FAF1: variants seen among roughly 807,000 people sequenced by gnomAD.
The protein encoded by FAF1 is Fas associated factor 1, also known as FAS-associated factor 1.
FAF1 carries 25 observed loss-of-function variants against 92.5 expected under a neutral mutation model. That is an observed-to-expected ratio of 0.27 (90% confidence interval 0.20 to 0.38). The LOEUF is 0.38. FAF1 is among the 10% of genes least tolerant of loss of function. FAF1 has a pLI of 1.00. For missense variants in FAF1, 636 were observed against 793.3 expected (o/e 0.80, Z 2.38); for synonymous variants, 234 against 273.2 (o/e 0.86, Z 1.42).
intron 2 of FAF1, among the ~76,000 whole-genome samples, chr1:50,821,470 C>T (rs1367472073): frequency 6.6e-6 from 1 of 152,116 alleles, no homozygotes; most frequent in Admixed American, 6.5e-5. Context: ...TTCCCATGGG[C>T]CCTTTATTAT....
At chr1:50,591,290 CTT>C (rs1382439426) in intron 9 of FAF1, among the ~76,000 whole-genome samples, 1 of 152,154 alleles carries the variant, frequency 6.6e-6, no homozygotes, top group Non-Finnish European at 1.5e-5. Context: ...TGTCTTCTGT[CTT>C]GTTTCTTTTA....
At chr1:50,824,893 A>C (rs1235413603) in intron 2 of FAF1, among the ~76,000 whole-genome samples, 1 of 152,144 alleles carries the variant, frequency 6.6e-6, no homozygotes, top group Non-Finnish European at 1.5e-5. Context: ...GAGCTAAAAA[A>C]AATTTTATCT....
At chr1:50,741,589 T>C (rs1023025393) in intron 5 of FAF1, among the ~76,000 whole-genome samples, 1 of 152,226 alleles carries the variant, frequency 6.6e-6, no homozygotes, top group African/African-American at 2.4e-5. Flanking sequence ...GAAGTTACCA[T>C]ATTGCTCCAG....
intron 4 of FAF1, among the ~76,000 whole-genome samples, chr1:50,768,270 A>G (rs1195809235): frequency 6.6e-6 from 1 of 152,216 alleles, no homozygotes; most frequent in East Asian, 1.9e-4. Flanking sequence ...TATGCACCAA[A>G]CATAAAAGCA....
At chr1:50,870,631 T>A (rs913933193) in intron 1 of FAF1, among the ~76,000 whole-genome samples, 1 of 152,220 alleles carries the variant, frequency 6.6e-6, no homozygotes, top group East Asian at 1.9e-4. Context: ...TGGTAATCTA[T>A]GATCTTTGAT....
At chr1:50,669,528 GA>G (rs1408255622) in intron 7 of FAF1, among the ~76,000 whole-genome samples, 3 of 151,782 alleles carry the variant, frequency 2.0e-5, no homozygotes, top group Non-Finnish European at 4.4e-5. Context: ...AACAACAAAG[GA>G]AAAAAATGTT....
chr1:50,713,040 T>C (rs1247673387), intron 6 of FAF1, among the ~76,000 whole-genome samples: 1 of 150,260 alleles, frequency 6.7e-6, no homozygotes, highest in Non-Finnish European at 1.5e-5. Context: ...CACGCGCCTG[T>C]AGTCCCAGCT....
intron 5 of FAF1, among the ~76,000 whole-genome samples, chr1:50,740,868 T>C (rs1220245513): frequency 6.6e-6 from 1 of 152,138 alleles, no homozygotes; most frequent in Non-Finnish European, 1.5e-5. Flanking sequence ...ATTTTTCTCT[T>C]TTTATCTTTC....
At chr1:50,653,185 AC>A (rs940293949) in intron 8 of FAF1, among the ~76,000 whole-genome samples, 1 of 151,886 alleles carries the variant, frequency 6.6e-6, no homozygotes, top group African/African-American at 2.4e-5. Flanking sequence ...CAAAAAAAAA[AC>A]CACAAGAAAA....
chr1:50,596,741 C>T (rs908395256), intron 8 of FAF1, among the ~76,000 whole-genome samples: 2 of 152,132 alleles, frequency 1.3e-5, no homozygotes, highest in South Asian at 4.1e-4. Context: ...TCCTCAAATA[C>T]TTCATTTTCA....
chr1:50,703,758 T>A (rs1198352347), intron 7 of FAF1, among the ~76,000 whole-genome samples: 5 of 152,166 alleles, frequency 3.3e-5, no homozygotes, highest in Non-Finnish European at 5.9e-5. Flanking sequence ...TATTTGATAA[T>A]CTACATAGCA....
intron 8 of FAF1, among the ~76,000 whole-genome samples, chr1:50,629,875 A>T (rs1156338836): frequency 6.6e-6 from 1 of 152,144 alleles, no homozygotes; most frequent in Non-Finnish European, 1.5e-5. Flanking sequence ...CCTGACCAAC[A>T]TGGAGAAACC....
chr1:50,709,006 G>T (rs1233964391), intron 6 of FAF1, among the ~76,000 whole-genome samples: 1 of 152,196 alleles, frequency 6.6e-6, no homozygotes, highest in Admixed American at 6.5e-5. Flanking sequence ...ATATATGTAT[G>T]TTGAATGAAT....
chr1:50,716,805 A>G (rs1231669615), intron 6 of FAF1, among the ~76,000 whole-genome samples: 1 of 152,236 alleles, frequency 6.6e-6, no homozygotes. Context: ...GGATGTGGGC[A>G]GAGACAAATA....
chr1:50,474,021 T>G (rs1646607274), intron 18 of FAF1, among the ~76,000 whole-genome samples: 1 of 152,220 alleles, frequency 6.6e-6, no homozygotes, highest in Non-Finnish European at 1.5e-5. Context: ...CCTCTCCATA[T>G]ATATATCTGT....
At chr1:50,748,738 A>G (rs1005567553) in intron 4 of FAF1, among the ~76,000 whole-genome samples, 1 of 152,220 alleles carries the variant, frequency 6.6e-6, no homozygotes, top group African/African-American at 2.4e-5. Context: ...CTGCTAGTCT[A>G]CAGTTTCAGA....
chr1:50,613,389 C>A (rs551073728), intron 8 of FAF1, among the ~76,000 whole-genome samples: 1 of 152,088 alleles, frequency 6.6e-6, no homozygotes, highest in East Asian at 1.9e-4. Context: ...TTTGAACTTA[C>A]GCATCTTCAT....
chr1:50,692,248 T>C (rs950667686), intron 7 of FAF1, among the ~76,000 whole-genome samples: 1 of 97,272 alleles, frequency 1.0e-5, no homozygotes. Context: ...TTACTGTGTG[T>C]GTGTGTGTGT....
chr1:50,885,440 G>A (rs193138394), intron 1 of FAF1, among the ~76,000 whole-genome samples: 259 of 151,978 alleles, frequency 1.7e-3, no homozygotes, highest in Non-Finnish European at 2.7e-3. Context: ...TCATTATACA[G>A]TAACCTTTGT....
Sources: allele counts gnomAD v4.1 joint callset (sites outside exome capture counted in the v4.1 genomes callset), GRCh38; gene constraint gnomAD v4.1.1; transcripts MANE v1.5; gene names NCBI Gene and HGNC (gene_info 2026-07-23, HGNC 2026-07-21).